PARM1: variants seen among roughly 807,000 people sequenced by gnomAD.
The protein encoded by PARM1 is prostate androgen-regulated mucin-like protein 1, also known as WSC4, cell wall integrity and stress response component 4 homolog.
Under a neutral mutation model 24.6 loss-of-function variants are expected in PARM1, and 14 were observed. The ratio of observed to expected loss-of-function variants is 0.57; its 90% confidence interval spans 0.38 to 0.89. The LOEUF is 0.89. PARM1 is among the 40% of genes least tolerant of loss of function. The probability of loss-of-function intolerance (pLI) is 0.00; values close to 1 mark genes in which losing one functional copy is unlikely to be tolerated. For synonymous variants in PARM1, 179 were observed against 156.6 expected, an observed-to-expected ratio of 1.14 and a Z score of -1.07; for missense variants, 362 against 380.4, an observed-to-expected ratio of 0.95 and a Z score of 0.40.
At chr4:74,945,634 A>C (rs1379616099) in intron 1 of PARM1, among the ~76,000 whole-genome samples, 1 of 152,196 alleles carries the variant, frequency 6.6e-6, no homozygotes, top group African/African-American at 2.4e-5. Context: ...CTCTGTCCTA[A>C]CTGATCAGTA....
At chr4:75,018,483 G>A (rs997697818) in intron 2 of PARM1, among the ~76,000 whole-genome samples, 2 of 152,140 alleles carry the variant, frequency 1.3e-5, no homozygotes, top group Non-Finnish European at 2.9e-5. Flanking sequence ...ACTGTTTTCT[G>A]GTTTGTCATT....
intron 3 of PARM1, among the ~76,000 whole-genome samples, chr4:75,043,275 A>T (rs1723536526): frequency 6.6e-6 from 1 of 152,216 alleles, no homozygotes; most frequent in Non-Finnish European, 1.5e-5. Context: ...TATTTGGCAG[A>T]TTCACCATGT....
chr4:75,000,082 G>A (rs538334137), intron 1 of PARM1, among the ~76,000 whole-genome samples: 1 of 152,028 alleles, frequency 6.6e-6, no homozygotes, highest in Non-Finnish European at 1.5e-5. Context: ...TGAAGGATGT[G>A]GGAAGCACTC....
intron 1 of PARM1, among the ~76,000 whole-genome samples, chr4:74,937,066 G>A (rs989765477): frequency 3.9e-5 from 6 of 152,114 alleles, no homozygotes; most frequent in African/African-American, 1.4e-4. Flanking sequence ...GATCCTATTT[G>A]TGTTCTGGAT....
chr4:74,986,877 A>G (rs1174743352), intron 1 of PARM1, among the ~76,000 whole-genome samples: 1 of 152,116 alleles, frequency 6.6e-6, no homozygotes, highest in Non-Finnish European at 1.5e-5. Context: ...CACCTGCTCT[A>G]CTACTCCAGG....
intron 2 of PARM1, among the ~76,000 whole-genome samples, chr4:75,030,111 G>A (rs569298953): frequency 4.3e-4 from 65 of 152,112 alleles, no homozygotes; most frequent in Non-Finnish European, 7.9e-4. Context: ...AGAACACAGA[G>A]CAACACTGTA....
At position 75,048,080 on chromosome 4, in the gene PARM1, T is replaced by G. The variant is rs1315119783; in HGVS notation, c.*1833T>G. The stretch of plus-strand genomic sequence containing the variant: ...GGACCTTGCTGCCATGACTGTTTAG[T>G]TTACAGAAACTTGACCCCGGCTCAT... On this transcript the variant is annotated 3_prime_UTR_variant, in exon 4 of 4. Transcript: ENST00000307428. The G allele has an allele frequency of 6.6e-6, 1 of 152,200 alleles. No individual in the cohort carries two copies. The highest frequency in any genetic ancestry group is 1.5e-5 in the Non-Finnish European group (1 of 68,054). 9.4% of individuals were successfully genotyped at this position (152,200 alleles called of 1,614,324 possible). A position where few individuals can be genotyped will look rare whatever the true frequency, so the allele number is the denominator to read the frequency against.
intron 1 of PARM1, among the ~76,000 whole-genome samples, chr4:75,004,175 A>G (rs958879378): frequency 3.3e-5 from 5 of 152,348 alleles, no homozygotes; most frequent in Admixed American, 6.5e-5. Flanking sequence ...GACTCAGCAT[A>G]TAAGCTAGAG....
chr4:74,981,047 C>T (rs963445805), intron 1 of PARM1, among the ~76,000 whole-genome samples: 3 of 152,248 alleles, frequency 2.0e-5, no homozygotes, highest in Middle Eastern at 6.8e-3. Flanking sequence ...AGAACATAGG[C>T]ACAGGCAAAG....
chr4:75,042,725 G>A (rs746816891), intron 3 of PARM1, among the ~76,000 whole-genome samples: 5 of 151,762 alleles, frequency 3.3e-5, no homozygotes, highest in Admixed American at 6.6e-5. Flanking sequence ...CTTATCACAC[G>A]TACAAAAAAT....
chr4:74,997,015 C>T (rs1722587496), intron 1 of PARM1, among the ~76,000 whole-genome samples: 1 of 152,110 alleles, frequency 6.6e-6, no homozygotes, highest in African/African-American at 2.4e-5. Flanking sequence ...TTGATAAGGA[C>T]TTAATAAAAG....
At chr4:74,986,580 AG>A (rs1247254349) in intron 1 of PARM1, among the ~76,000 whole-genome samples, 3 of 152,176 alleles carry the variant, frequency 2.0e-5, no homozygotes, top group African/African-American at 7.2e-5. Flanking sequence ...ACAGCAGAAG[AG>A]GTTGCTGAAA....
chr4:74,935,628 G>C (rs1195630379), intron 1 of PARM1, among the ~76,000 whole-genome samples: 1 of 152,082 alleles, frequency 6.6e-6, no homozygotes, highest in Non-Finnish European at 1.5e-5. Flanking sequence ...CTAGCCATAG[G>C]CTTCAACAAT....
At chr4:74,966,243 A>G (rs560796455) in intron 1 of PARM1, among the ~76,000 whole-genome samples, 1 of 152,214 alleles carries the variant, frequency 6.6e-6, no homozygotes, top group Non-Finnish European at 1.5e-5. Flanking sequence ...AAATGTTTTA[A>G]TACGTCTTAA....
intron 1 of PARM1, among the ~76,000 whole-genome samples, chr4:74,986,226 GGATTTGGCTA>G (rs1365960406): frequency 6.6e-6 from 1 of 152,044 alleles, no homozygotes; most frequent in Non-Finnish European, 1.5e-5. Flanking sequence ...AAAAAAAAAT[GGATTTGGCTA>G]GATTTTACCT....
intron 1 of PARM1, among the ~76,000 whole-genome samples, chr4:74,975,948 G>A (rs1358931946): frequency 6.6e-6 from 1 of 152,200 alleles, no homozygotes; most frequent in African/African-American, 2.4e-5. Context: ...CACCCAGAGA[G>A]TGAGAAAAAG....
At chr4:74,938,007 A>G (rs1721228617) in intron 1 of PARM1, among the ~76,000 whole-genome samples, 1 of 152,212 alleles carries the variant, frequency 6.6e-6, no homozygotes, top group African/African-American at 2.4e-5. Flanking sequence ...CAAAAACTCA[A>G]CTCAGCTAAA....
chr4:74,949,335 T>A (rs550157859), intron 1 of PARM1, among the ~76,000 whole-genome samples: 58 of 152,324 alleles, frequency 3.8e-4, no homozygotes, highest in African/African-American at 1.4e-3. Context: ...TTTCTTTTTT[T>A]TGAGATGGAG....
At chr4:74,962,401 A>G (rs75887059) in intron 1 of PARM1, among the ~76,000 whole-genome samples, 1,807 of 152,314 alleles carry the variant, frequency 0.012, 29 homozygotes, top group African/African-American at 0.041. Flanking sequence ...GAACAAAAAA[A>G]GCTATAAGGA....
Sources: gnomAD v4.1 joint callset for allele counts (sites outside exome capture counted in the v4.1 genomes callset) on GRCh38, gnomAD v4.1.1 for gene constraint, MANE v1.5 for transcripts, NCBI Gene and HGNC (gene_info 2026-07-23, HGNC 2026-07-21) for gene names.